The following CCNY variants were observed in gnomAD, a reference collection of about 807,000 sequenced individuals.
CCNY encodes cyclin-Y.
In CCNY, 19 loss-of-function variants were observed where a neutral mutation model predicts 42.8. The ratio of observed to expected loss-of-function variants is 0.44; its 90% CI spans 0.31 to 0.65. The LOEUF is 0.65. CCNY is among the 30% of genes least tolerant of loss of function. CCNY has a pLI of 0.07. For missense variants in CCNY, 370 were observed against 437.3 expected, an observed-to-expected ratio of 0.85 and a Z score of 1.37; for synonymous variants, 165 against 162.7, an observed-to-expected ratio of 1.01 and a Z score of -0.11.
chr10:35,500,150 A>C (rs1211534005), intron 2 of CCNY, among the ~76,000 whole-genome samples: 4 of 152,270 alleles, frequency 2.6e-5, no homozygotes, highest in African/African-American at 7.2e-5. Context: ...ATGCATGGCC[A>C]GGGTGCCCTG....
At chr10:35,258,945 A>G (rs938511056) in intron 3 of CCNY, among the ~76,000 whole-genome samples, 2 of 151,636 alleles carry the variant, frequency 1.3e-5, no homozygotes, top group Non-Finnish European at 2.9e-5. Context: ...AAAAAAAAAA[A>G]AAAAGGAAAC....
chr10:35,367,464 A>G (rs565338323), intron 1 of CCNY, among the ~76,000 whole-genome samples: 93 of 152,330 alleles, frequency 6.1e-4, no homozygotes, highest in African/African-American at 1.9e-3. Flanking sequence ...CTCAATAGAT[A>G]TTAGTTATTA....
chr10:35,326,829 C>A (rs1835885839), intron 3 of CCNY, among the ~76,000 whole-genome samples: 1 of 152,188 alleles, frequency 6.6e-6, no homozygotes, highest in Non-Finnish European at 1.5e-5. Flanking sequence ...TTGGAGGCTG[C>A]ACTGAGCTAT....
chr10:35,424,777 A>T (rs1467970129), intron 1 of CCNY, among the ~76,000 whole-genome samples: 1 of 152,192 alleles, frequency 6.6e-6, no homozygotes, highest in Non-Finnish European at 1.5e-5. Context: ...GCATAAAGAT[A>T]CAAAATCGAT....
intron 1 of CCNY, among the ~76,000 whole-genome samples, chr10:35,446,824 G>A (rs950339701): frequency 6.6e-6 from 1 of 152,168 alleles, no homozygotes; most frequent in Non-Finnish European, 1.5e-5. Context: ...CAGCGGAAGT[G>A]TAATAAGCAA....
chr10:35,394,269 T>A (rs1837476375), intron 1 of CCNY, among the ~76,000 whole-genome samples: 2 of 152,204 alleles, frequency 1.3e-5, no homozygotes, highest in African/African-American at 4.8e-5. Flanking sequence ...TGCCTGCACT[T>A]TGAGAAGCCT....
intron 2 of CCNY, among the ~76,000 whole-genome samples, chr10:35,494,242 C>CCA (rs1554794902): frequency 3.6e-5 from 5 of 140,742 alleles, no homozygotes; most frequent in South Asian, 2.3e-4. Flanking sequence ...AGACCCCCCC[C>CCA]CCCATTTCTA....
At chr10:35,408,287 C>A (rs1837826878) in intron 1 of CCNY, among the ~76,000 whole-genome samples, 1 of 152,196 alleles carries the variant, frequency 6.6e-6, no homozygotes, top group South Asian at 2.1e-4. Context: ...GGGTCTTCGG[C>A]ACCAAATGTC....
chr10:35,563,576 C>G (rs1404704788), intron 8 of CCNY, among the ~76,000 whole-genome samples: 1 of 152,176 alleles, frequency 6.6e-6, no homozygotes, highest in Non-Finnish European at 1.5e-5. Flanking sequence ...GCCTCTGACG[C>G]TTTCGTTTTG....
chr10:35,349,418 C>T (rs2135134723), intron 1 of CCNY, among the ~76,000 whole-genome samples: 1 of 152,308 alleles, frequency 6.6e-6, no homozygotes, highest in African/African-American at 2.4e-5. Context: ...TCCCTGCCCT[C>T]TTTGTCTGGC....
chr10:35,534,647 T>C (rs1272084564), intron 7 of CCNY, among the ~76,000 whole-genome samples: 1 of 152,076 alleles, frequency 6.6e-6, no homozygotes, highest in African/African-American at 2.4e-5. Flanking sequence ...AGCATTTTAG[T>C]GGGTTTTAGT....
rs113385928 is a variant in CCNY, at chr10:35,479,767, A to T, written c.155-3637A>T. Among the ~76,000 whole-genome samples, 544 of 152,170 alleles carry T rather than the reference A, an allele frequency of 3.6e-3. 4 individuals carry two copies. Among genetic ancestry groups the T allele is most frequent in the African/African-American group, 0.012 (490 of 41,508 alleles). ...AAAACTTAAAGTATAATAATAATAA[A>T]AAAAAAAGAAAAACATCATAGAGGT... is the stretch of plus-strand genomic sequence containing the variant. On this transcript the variant is annotated intron_variant, in intron 1 of 9. Transcript: ENST00000374704.
intron 1 of CCNY, among the ~76,000 whole-genome samples, chr10:35,460,252 A>G (rs1270566924): frequency 6.6e-6 from 1 of 152,160 alleles, no homozygotes; most frequent in African/African-American, 2.4e-5. Context: ...GTATATCTCT[A>G]TTTAGTTATT....
intron 1 of CCNY, among the ~76,000 whole-genome samples, chr10:35,416,860 G>C (rs1664370787): frequency 6.6e-6 from 1 of 152,154 alleles, no homozygotes; most frequent in Non-Finnish European, 1.5e-5. Context: ...GTGGCAGCGG[G>C]ACTACACTCT....
chr10:35,312,383 A>C (rs1313727604), intron 3 of CCNY, among the ~76,000 whole-genome samples: 1 of 50,390 alleles, frequency 2.0e-5, no homozygotes, highest in East Asian at 8.3e-4. Context: ...TCTGTGTCAC[A>C]AAAAAAAAAA....
At chr10:35,395,968 C>T (rs925341112) in intron 1 of CCNY, among the ~76,000 whole-genome samples, 3 of 151,944 alleles carry the variant, frequency 2.0e-5, no homozygotes, top group Non-Finnish European at 2.9e-5. Flanking sequence ...ATAGGGCCCC[C>T]GAGAGAGGCT....
chr10:35,361,874 C>A (rs1003723366), intron 1 of CCNY, among the ~76,000 whole-genome samples: 1 of 152,136 alleles, frequency 6.6e-6, no homozygotes, highest in African/African-American at 2.4e-5. Flanking sequence ...AAAATGTTTG[C>A]CCCCTCAACA....
intron 4 of CCNY, among the ~76,000 whole-genome samples, chr10:35,517,809 A>C (rs1438505247): frequency 6.6e-6 from 1 of 152,222 alleles, no homozygotes; most frequent in South Asian, 2.1e-4. Flanking sequence ...TCCACCACGC[A>C]TGCCCTTGCC....
intron 1 of CCNY, among the ~76,000 whole-genome samples, chr10:35,417,018 C>T (rs1174354479): frequency 2.0e-5 from 3 of 152,192 alleles, no homozygotes; most frequent in Admixed American, 2.0e-4. Context: ...GATTAACCCT[C>T]CTCCATCCTG....
Sources: allele counts gnomAD v4.1 joint callset (sites outside exome capture counted in the v4.1 genomes callset), GRCh38; gene constraint gnomAD v4.1.1; transcripts MANE v1.5; gene names NCBI Gene and HGNC (gene_info 2026-07-23, HGNC 2026-07-21).